Variants in ARHGAP25 observed in about 807,000 individuals in gnomAD.
The protein encoded by ARHGAP25 is rho GTPase-activating protein 25.
In ARHGAP25, 34 loss-of-function variants were observed where a neutral mutation model predicts 71.0. The ratio of observed to expected loss-of-function variants is 0.48; its 90% confidence interval spans 0.36 to 0.64. The LOEUF (loss-of-function observed/expected upper bound fraction) is 0.64. Ranked by LOEUF, ARHGAP25 falls within the 30% of genes least tolerant of loss-of-function variation. ARHGAP25 has a pLI of 0.00. For synonymous variants in ARHGAP25, 282 were observed against 296.5 expected (o/e 0.95, Z 0.50); for missense variants, 706 against 805.1 (o/e 0.88, Z 1.49).
chr2:68,713,238 T>C (rs960406315), intron 2 of ARHGAP25, among the ~76,000 whole-genome samples: 3 of 152,202 alleles, frequency 2.0e-5, no homozygotes, highest in Non-Finnish European at 4.4e-5. Context: ...CCTTGTAAGT[T>C]GTATTCCTAG....
At chr2:68,723,745 C>A (rs1674819245) in intron 2 of ARHGAP25, among the ~76,000 whole-genome samples, 1 of 152,168 alleles carries the variant, frequency 6.6e-6, no homozygotes, top group Non-Finnish European at 1.5e-5. Flanking sequence ...ACTAGGCCTG[C>A]AGAAGGGGTC....
At position 68,773,301 on chromosome 2, in the gene ARHGAP25, TAGA is replaced by T. The variant is rs573851486; in HGVS notation, c.62-1917_62-1915del. Among the ~76,000 whole-genome samples the T allele has an allele frequency of 7.7e-4, 117 of 152,270 alleles. 1 individual carries two copies. Among genetic ancestry groups the T allele is most frequent in the South Asian group, 3.5e-3 (17 of 4,824 alleles). On this transcript the variant is annotated intron_variant, in intron 1 of 10. Coordinates refer to ENST00000409202, the MANE Select transcript of ARHGAP25 (RefSeq NM_001007231.3). ...AAATAAAGATTGAGAATCACAGGCG[TAGA>T]AGGAGATAGAAATAAGAGAATCAGA...
chr2:68,762,066 T>G lies in ARHGAP25; in HGVS notation c.62-13155T>G, dbSNP rs187597100. 8.9e-3 allele frequency among the ~76,000 whole-genome samples: 1,355 copies of G among 152,284 alleles called. 20 individuals carry two copies. Among genetic ancestry groups the G allele is most frequent in the African/African-American group, 0.031 (1,288 of 41,552 alleles). On this transcript the variant is annotated intron_variant, in intron 1 of 10. Coordinates refer to ENST00000409202, the MANE Select transcript of ARHGAP25 (RefSeq NM_001007231.3). The stretch of plus-strand genomic sequence containing the variant: ...TATTCAGCCTTAAAAAGGAAGGACA[T>G]TCTGCAATATGCTATAGCACCGATG...
At chr2:68,756,661 A>G (rs1432195326) in intron 1 of ARHGAP25, among the ~76,000 whole-genome samples, 1 of 152,210 alleles carries the variant, frequency 6.6e-6, no homozygotes, top group East Asian at 1.9e-4. Flanking sequence ...TACAATAAAC[A>G]AACAAAATCC....
intron 2 of ARHGAP25, among the ~76,000 whole-genome samples, chr2:68,726,370 A>G (rs1191226936): frequency 6.6e-6 from 1 of 152,218 alleles, no homozygotes; most frequent in Non-Finnish European, 1.5e-5. Context: ...CGTAATACAG[A>G]ACAATGGCCA....
Position 68,787,858 on chromosome 2 carries a change from G to A in ARHGAP25, c.368G>A (p.Arg123His), listed in dbSNP as rs1247374187. 7 of 1,613,954 alleles carry A rather than the reference G, an allele frequency of 4.3e-6. No individual in the cohort carries two copies. The highest frequency in any genetic ancestry group is 1.3e-5 in the African/African-American group (1 of 74,912). The change falls in exon 4 of 11, where the codon CGC (arginine) becomes CAC (histidine). Residue 123 changes from arginine to histidine, a missense_variant. By Grantham distance (29) the Arg-to-His change is conservative. Coordinates refer to ENST00000409202, the MANE Select transcript of ARHGAP25 (RefSeq NM_001007231.3). ...CCTCCAGCCTCATGGGACCAGAATC[G>A]CATGGGACAGGACTCCTATGTCCTC... ...EIIPASWDQNRMGQDSYVLMA... is the reference protein window; with the variant it reads ...EIIPASWDQNHMGQDSYVLMA...
chr2:68,710,803 T>C (rs1317668882), intron 2 of ARHGAP25: 2 of 152,230 alleles, frequency 1.3e-5, no homozygotes, highest in Non-Finnish European at 2.9e-5. Flanking sequence ...CTTTTTCTAG[T>C]TCTTATATAA....
chr2:68,757,091 T>C (rs1042561574), intron 1 of ARHGAP25, among the ~76,000 whole-genome samples: 1 of 151,988 alleles, frequency 6.6e-6, no homozygotes, highest in Non-Finnish European at 1.5e-5. Flanking sequence ...AACAAACTTG[T>C]AGATAAGACA....
rs1159449265 is a variant in ARHGAP25, at chr2:68,793,643, T to C, written c.466+5687T>C. Among the ~76,000 whole-genome samples the C allele has an allele frequency of 2.0e-5, 3 of 152,226 alleles. No individual in the cohort carries two copies. The East Asian group carries it at 5.8e-4, about 29-fold the overall frequency. On this transcript the variant is annotated intron_variant, in intron 4 of 10. Transcript: ENST00000409202. Reference sequence around the variant, plus strand: ...TGTTCCATTGATCTGTGTGTCTGTTTTTATACCAGTGACATGCTGTTTTGG... The same window carrying C: ...TGTTCCATTGATCTGTGTGTCTGTTCTTATACCAGTGACATGCTGTTTTGG...
chr2:68,776,833 G>A (rs748515260), intron 2 of ARHGAP25, among the ~76,000 whole-genome samples: 4 of 152,130 alleles, frequency 2.6e-5, no homozygotes, highest in Non-Finnish European at 4.4e-5. Context: ...TCCCGAGAAA[G>A]GCAAGGACAA....
intron 1 of ARHGAP25, among the ~76,000 whole-genome samples, chr2:68,743,527 C>A (rs555308057): frequency 6.6e-6 from 1 of 152,350 alleles, no homozygotes; most frequent in East Asian, 1.9e-4. Flanking sequence ...CATTCTTCCT[C>A]TTTGACTGTC....
At chr2:68,779,125 A>C (rs1043837420) in intron 2 of ARHGAP25, among the ~76,000 whole-genome samples, 2 of 152,202 alleles carry the variant, frequency 1.3e-5, no homozygotes, top group African/African-American at 4.8e-5. Context: ...TTTCTGAGGC[A>C]TCGCCACAAG....
chr2:68,752,144 G>A (rs1676216068), intron 1 of ARHGAP25, among the ~76,000 whole-genome samples: 1 of 152,214 alleles, frequency 6.6e-6, no homozygotes, highest in Admixed American at 6.5e-5. Flanking sequence ...AAAGCATAGA[G>A]GGCAGGCAGC....
chr2:68,772,417 A>G (rs529144652), intron 1 of ARHGAP25, among the ~76,000 whole-genome samples: 25 of 152,360 alleles, frequency 1.6e-4, no homozygotes, highest in African/African-American at 5.5e-4. Flanking sequence ...GGTCCTCCCT[A>G]TCATGTCTGA....
Position 68,776,250 on chromosome 2 carries a change from A to G in ARHGAP25, c.261+830A>G, listed in dbSNP as rs984718601. On this transcript the variant is annotated intron_variant, in intron 2 of 10. Coordinates refer to ENST00000409202, the MANE Select transcript of ARHGAP25 (RefSeq NM_001007231.3). ...AGGTCTGAGAAGCAAGAGGGTAGTC[A>G]GGGGTCAGGGGCACAGACTGCTGGG... Among the ~76,000 whole-genome samples, 50 of 151,162 alleles carry G rather than the reference A, an allele frequency of 3.3e-4. 1 individual carries two copies. The highest frequency in any genetic ancestry group is 1.1e-3 in the African/African-American group (44 of 41,022).
chr2:68,722,217 A>AC (rs1674778897), intron 2 of ARHGAP25, among the ~76,000 whole-genome samples: 1 of 152,218 alleles, frequency 6.6e-6, no homozygotes, highest in Non-Finnish European at 1.5e-5. Flanking sequence ...TTTCTTAATA[A>AC]GCCACAAGCT....
intron 4 of ARHGAP25, among the ~76,000 whole-genome samples, chr2:68,806,887 C>G (rs1680412360): frequency 6.6e-6 from 1 of 152,172 alleles, no homozygotes. Flanking sequence ...GTGTCATGCT[C>G]TGAGCTGCCT....
chr2:68,786,798 AC>A (rs1678788249), intron 3 of ARHGAP25, among the ~76,000 whole-genome samples: 1 of 152,198 alleles, frequency 6.6e-6, no homozygotes, highest in African/African-American at 2.4e-5. Context: ...AGGCACAACT[AC>A]TCAGCTAGAA....
chr2:68,726,183 GT>G (rs1363808120), intron 2 of ARHGAP25, among the ~76,000 whole-genome samples: 1 of 152,162 alleles, frequency 6.6e-6, no homozygotes, highest in African/African-American at 2.4e-5. Context: ...TGTTGGCTGT[GT>G]TCTCAGCACC....
Sources: gnomAD v4.1 joint callset for allele counts (sites outside exome capture counted in the v4.1 genomes callset) on GRCh38, gnomAD v4.1.1 for gene constraint, MANE v1.5 for transcripts, NCBI Gene and HGNC (gene_info 2026-07-23, HGNC 2026-07-21) for gene names.